SORCS3: variants seen among roughly 807,000 people sequenced by gnomAD.
SORCS3 encodes the protein sortilin related VPS10 domain containing receptor 3.
SORCS3 carries 57 observed loss-of-function variants against 146.3 expected under a neutral mutation model. The observed-to-expected ratio is 0.39, with a 90% CI of 0.31 to 0.49. The LOEUF is 0.49. Ranked by LOEUF, SORCS3 falls within the 20% of genes least tolerant of loss-of-function variation. The pLI is 0.92. For synonymous variants in SORCS3, 653 were observed against 618.5 expected, an observed-to-expected ratio of 1.06 and a Z score of -0.83; for missense variants, 1,341 against 1,575.5, an observed-to-expected ratio of 0.85 and a Z score of 2.52.
At chr10:104,715,472 T>C (rs1448062432) in intron 1 of SORCS3, among the ~76,000 whole-genome samples, 1 of 152,188 alleles carries the variant, frequency 6.6e-6, no homozygotes, top group Non-Finnish European at 1.5e-5. Flanking sequence ...TGGTTCTTCA[T>C]CTTGCAGACG....
chr10:105,020,453 C>T (rs967619765), intron 4 of SORCS3, among the ~76,000 whole-genome samples: 6 of 152,082 alleles, frequency 3.9e-5, no homozygotes, highest in African/African-American at 1.2e-4. Flanking sequence ...GGTGTGTCAT[C>T]GTATTCTCTG....
At chr10:105,007,707 T>C (rs2055105603) in intron 4 of SORCS3, among the ~76,000 whole-genome samples, 1 of 152,100 alleles carries the variant, frequency 6.6e-6, no homozygotes, top group East Asian at 1.9e-4. Context: ...GAACATTTAT[T>C]GTCATGTCTT....
chr10:104,827,759 A>G (rs761875810), intron 1 of SORCS3, among the ~76,000 whole-genome samples: 1 of 152,224 alleles, frequency 6.6e-6, no homozygotes, highest in Non-Finnish European at 1.5e-5. Flanking sequence ...CTGTTGGTTT[A>G]CATTGAAAAT....
chr10:104,822,214 G>C, intron 1 of SORCS3: 1 of 415,188 alleles, frequency 2.4e-6, no homozygotes, highest in Non-Finnish European at 4.8e-6. Flanking sequence ...CACGTTGTCT[G>C]TTTCTTATCA....
chr10:104,999,765 C>G (rs2055049746), intron 4 of SORCS3, among the ~76,000 whole-genome samples: 1 of 152,134 alleles, frequency 6.6e-6, no homozygotes, highest in South Asian at 2.1e-4. Flanking sequence ...ATCCTTTACT[C>G]TGGGATCATC....
chr10:104,867,216 GA>G (rs2133565129), intron 2 of SORCS3, among the ~76,000 whole-genome samples: 1 of 151,944 alleles, frequency 6.6e-6, no homozygotes, highest in East Asian at 1.9e-4. Flanking sequence ...GAGGAGAGGA[GA>G]GGAGGGGGTG....
At chr10:105,095,735 G>A (rs1006397596) in intron 6 of SORCS3, among the ~76,000 whole-genome samples, 1 of 151,922 alleles carries the variant, frequency 6.6e-6, no homozygotes, top group Non-Finnish European at 1.5e-5. Context: ...TCACAGACAG[G>A]CAGACGTGGA....
chr10:105,154,069 G>GAA (rs59868914), intron 9 of SORCS3, among the ~76,000 whole-genome samples: 1 of 76,146 alleles, frequency 1.3e-5, no homozygotes, highest in Non-Finnish European at 2.4e-5. Flanking sequence ...GACTCCATCT[G>GAA]AAAAAAAAAA....
intron 1 of SORCS3, among the ~76,000 whole-genome samples, chr10:104,762,330 C>T (rs886815694): frequency 1.3e-5 from 2 of 152,156 alleles, no homozygotes; most frequent in Non-Finnish European, 2.9e-5. Flanking sequence ...AGTGTAAATA[C>T]TTCTGCCATG....
chr10:105,257,366 A>T (rs1461879161), intron 25 of SORCS3, among the ~76,000 whole-genome samples: 1 of 152,184 alleles, frequency 6.6e-6, no homozygotes, highest in African/African-American at 2.4e-5. Flanking sequence ...TGTTGCAGCT[A>T]TTCAGCATCT....
intron 2 of SORCS3, among the ~76,000 whole-genome samples, chr10:104,869,982 C>G (rs898980512): frequency 6.6e-6 from 1 of 152,174 alleles, no homozygotes; most frequent in South Asian, 2.1e-4. Context: ...CACGTAGAGT[C>G]GCTCTGAGGA....
intron 4 of SORCS3, among the ~76,000 whole-genome samples, chr10:105,007,633 GT>G (rs1430589661): frequency 1.3e-5 from 2 of 151,956 alleles, no homozygotes; most frequent in African/African-American, 4.8e-5. Context: ...ATTGCAGACC[GT>G]TTTTTCTGAA....
At chr10:104,938,869 A>G (rs1311147838) in intron 3 of SORCS3, among the ~76,000 whole-genome samples, 3 of 152,176 alleles carry the variant, frequency 2.0e-5, no homozygotes, top group Admixed American at 6.5e-5. Flanking sequence ...GTTCCAGGGT[A>G]GCTGGATTGC....
At chr10:105,161,803 T>A (rs1233828952) in intron 11 of SORCS3, among the ~76,000 whole-genome samples, 1 of 152,022 alleles carries the variant, frequency 6.6e-6, no homozygotes, top group East Asian at 1.9e-4. Flanking sequence ...TGTGGGCAGG[T>A]GGAAACAGGT....
In SORCS3 at chr10:104,903,542, C is replaced by T. The variant is rs774063246; in HGVS notation, c.696-12291C>T. ...AAGGTTTGAAGTGAGAGGAGATTCG[C>T]GACTGGGCATAGATTTAACAATAAT... On this transcript the variant is annotated intron_variant, in intron 2 of 26. Coordinates refer to ENST00000369701, the MANE Select transcript of SORCS3 (RefSeq NM_014978.3). 3.9e-5 allele frequency among the ~76,000 whole-genome samples: 6 copies of T among 152,072 alleles called. 1 individual carries two copies. In the South Asian group the frequency reaches 1.0e-3, roughly 26 times the overall value.
intron 20 of SORCS3, among the ~76,000 whole-genome samples, chr10:105,242,577 T>C (rs1168726398): frequency 3.5e-5 from 2 of 57,190 alleles, no homozygotes; most frequent in Non-Finnish European, 5.8e-5. Context: ...TATTTATATA[T>C]TTATATATAT....
chr10:105,082,015 C>G (rs968947876), intron 5 of SORCS3, among the ~76,000 whole-genome samples: 1 of 152,178 alleles, frequency 6.6e-6, no homozygotes, highest in African/African-American at 2.4e-5. Flanking sequence ...TATAACCGTT[C>G]ATTCAACAAA....
At chr10:105,126,816 A>T (rs7907271) in intron 7 of SORCS3, among the ~76,000 whole-genome samples, 3,744 of 152,294 alleles carry the variant, frequency 0.025, 155 homozygotes, top group African/African-American at 0.085. Flanking sequence ...TAGAAGGAGC[A>T]TGAGAACACA....
intron 4 of SORCS3, among the ~76,000 whole-genome samples, chr10:105,035,549 C>A (rs1329601649): frequency 6.6e-6 from 1 of 151,554 alleles, no homozygotes; most frequent in Non-Finnish European, 1.5e-5. Context: ...CTCACTGCAA[C>A]CTCCGCCTCC....
Sources: gnomAD v4.1 joint callset for allele counts (sites outside exome capture counted in the v4.1 genomes callset) on GRCh38, gnomAD v4.1.1 for gene constraint, MANE v1.5 for transcripts, NCBI Gene and HGNC (gene_info 2026-07-23, HGNC 2026-07-21) for gene names.